SH2D4A: variants seen among roughly 807,000 people sequenced by gnomAD.
SH2D4A encodes SH2 domain containing 4A, also known as SH2 domain-containing protein 4A.
In SH2D4A, 70 loss-of-function variants were observed where a neutral mutation model predicts 64.7. The observed-to-expected ratio is 1.08, with a 90% CI of 0.89 to 1.32. The LOEUF is 1.32. Ranked by LOEUF, SH2D4A falls within the 40% of genes most tolerant of loss-of-function variation. SH2D4A has a pLI of 0.00. For missense variants in SH2D4A, 706 were observed against 540.1 expected (o/e 1.31, Z -3.04); for synonymous variants, 268 against 200.7 (o/e 1.34, Z -2.83).
chr8:19,320,426 G>A (rs988647504), intron 2 of SH2D4A, among the ~76,000 whole-genome samples: 1 of 151,866 alleles, frequency 6.6e-6, no homozygotes, highest in African/African-American at 2.4e-5. Context: ...CAGGAGTTCT[G>A]ACCAGCCTGG....
At chr8:19,336,930 C>A (rs1296926196) in intron 4 of SH2D4A, among the ~76,000 whole-genome samples, 1 of 150,290 alleles carries the variant, frequency 6.7e-6, no homozygotes, top group Non-Finnish European at 1.5e-5. Flanking sequence ...TTTTTTAGAC[C>A]TTTTTTTTTC....
chr8:19,388,953 A>T (rs1054181732), intron 8 of SH2D4A, among the ~76,000 whole-genome samples: 1 of 152,128 alleles, frequency 6.6e-6, no homozygotes, highest in Non-Finnish European at 1.5e-5. Flanking sequence ...GGATTCTTGG[A>T]TGGAGGGGAA....
chr8:19,319,123 G>T (rs766424033), intron 1 of SH2D4A, among the ~76,000 whole-genome samples: 1 of 150,876 alleles, frequency 6.6e-6, no homozygotes, highest in South Asian at 2.1e-4. Context: ...ATAAAGTTAG[G>T]GTTTGTTTTC....
chr8:19,346,929 A>T, intron 4 of SH2D4A, among the ~76,000 whole-genome samples: 1 of 152,192 alleles, frequency 6.6e-6, no homozygotes, highest in Non-Finnish European at 1.5e-5. Flanking sequence ...CGCATTCTTC[A>T]TATGAAGAGT....
At chr8:19,341,720 G>A (rs959437979) in intron 4 of SH2D4A, among the ~76,000 whole-genome samples, 3 of 152,018 alleles carry the variant, frequency 2.0e-5, no homozygotes, top group African/African-American at 7.2e-5. Flanking sequence ...GCATGCACCT[G>A]TAGTCCCAGC....
intron 4 of SH2D4A, among the ~76,000 whole-genome samples, chr8:19,343,911 G>A (rs1240023863): frequency 2.6e-5 from 4 of 152,342 alleles, no homozygotes; most frequent in South Asian, 2.1e-4. Context: ...GTGGGTGACA[G>A]AGAAAGGCAG....
intron 1 of SH2D4A, chr8:19,314,039 TGTCCG>T: frequency 2.6e-6 from 3 of 1,135,478 alleles, no homozygotes; most frequent in Non-Finnish European, 2.2e-6. Context: ...GGGTGTCCGG[TGTCCG>T]GTGTCCGGTG....
chr8:19,395,879 A>G lies in SH2D4A; in HGVS notation c.*1237A>G, dbSNP rs940319997. On this transcript the variant is annotated 3_prime_UTR_variant, in exon 10 of 10. Coordinates refer to ENST00000265807, the MANE Select transcript of SH2D4A (RefSeq NM_022071.4). ...GAAAGCTAATACAGTCGTTTATGTA[A>G]TTACATAACCTGACACACAAGATCG... 6.6e-6 allele frequency: 1 copy of G among 152,174 alleles called. No homozygotes were observed. Among genetic ancestry groups the G allele is most frequent in the Non-Finnish European group, 1.5e-5 (1 of 68,042 alleles). The allele number at this position is 152,174 out of a possible 1,614,324, so 9.4% of individuals were successfully genotyped here.
At chr8:19,379,480 G>C (rs2053253750) in intron 8 of SH2D4A, among the ~76,000 whole-genome samples, 1 of 152,210 alleles carries the variant, frequency 6.6e-6, no homozygotes, top group South Asian at 2.1e-4. Flanking sequence ...TGAGAACACA[G>C]GTGTAGAAAT....
intron 2 of SH2D4A, among the ~76,000 whole-genome samples, chr8:19,325,888 G>A (rs1406827872): frequency 6.6e-6 from 1 of 152,224 alleles, no homozygotes; most frequent in African/African-American, 2.4e-5. Flanking sequence ...AATGGGCCTT[G>A]GCCTTCATTA....
At chr8:19,332,715 C>T (rs1473882275) in intron 2 of SH2D4A, among the ~76,000 whole-genome samples, 2 of 143,194 alleles carry the variant, frequency 1.4e-5, no homozygotes, top group Non-Finnish European at 1.5e-5. Context: ...AAAAAAAAAG[C>T]ACGGGCAAAA....
intron 8 of SH2D4A, among the ~76,000 whole-genome samples, chr8:19,383,821 GA>G (rs1258028522): frequency 2.0e-5 from 3 of 152,126 alleles, no homozygotes; most frequent in Non-Finnish European, 2.9e-5. Context: ...CCAAAAGGGG[GA>G]AAAAATTAAG....
chr8:19,391,280 G>A (rs1342124016), intron 8 of SH2D4A, among the ~76,000 whole-genome samples: 1 of 152,162 alleles, frequency 6.6e-6, no homozygotes, highest in African/African-American at 2.4e-5. Context: ...ACAAACAGAA[G>A]GAGCAGCCCG....
intron 6 of SH2D4A, among the ~76,000 whole-genome samples, chr8:19,363,634 G>A (rs1359633258): frequency 6.6e-6 from 1 of 152,082 alleles, no homozygotes; most frequent in Non-Finnish European, 1.5e-5. Flanking sequence ...ATGCCACTGA[G>A]TAGTCCTGAT....
chr8:19,338,195 T>C (rs2052473350), intron 4 of SH2D4A, among the ~76,000 whole-genome samples: 1 of 152,190 alleles, frequency 6.6e-6, no homozygotes, highest in South Asian at 2.1e-4. Context: ...GTTATTAAAA[T>C]GGAGAAGCAA....
intron 1 of SH2D4A, 200 bp downstream of exon 1, chr8:19,314,023 C>T (rs1360620124): frequency 1.0e-5 from 11 of 1,050,166 alleles, no homozygotes; most frequent in Non-Finnish European, 1.2e-5. Flanking sequence ...CGAGAGCGGC[C>T]GCGGCGGGTG....
intron 6 of SH2D4A, among the ~76,000 whole-genome samples, chr8:19,362,755 CA>C (rs2052912954): frequency 6.6e-6 from 1 of 151,440 alleles, no homozygotes; most frequent in Non-Finnish European, 1.5e-5. Flanking sequence ...CAAAACAAAA[CA>C]AAACAAAAAA....
rs1305962318 is a variant in SH2D4A at position 19,364,578 on chromosome 8, C to T, written c.917+296C>T. Among the ~76,000 whole-genome samples the T allele has an allele frequency of 2.6e-5, 4 of 151,956 alleles. 1 individual carries two copies. The highest frequency in any genetic ancestry group is 4.8e-5 in the African/African-American group (2 of 41,380). ...GTCCCTACCCCACTCTCCCCTTTCCCTCCCCCGCCCCCCTCCCCCCCAGAG... is the reference window on the plus strand; with the variant it reads ...GTCCCTACCCCACTCTCCCCTTTCCTTCCCCCGCCCCCCTCCCCCCCAGAG... On this transcript the variant is annotated intron_variant, in intron 7 of 9. Coordinates refer to ENST00000265807, the MANE Select transcript of SH2D4A (RefSeq NM_022071.4).
chr8:19,391,861 G>C (rs1390910400), intron 8 of SH2D4A, among the ~76,000 whole-genome samples: 1 of 152,176 alleles, frequency 6.6e-6, no homozygotes, highest in Non-Finnish European at 1.5e-5. Context: ...TCCTGAGGTG[G>C]TTCTGTTATT....
Sources: gnomAD v4.1 joint callset for allele counts (sites outside exome capture counted in the v4.1 genomes callset) on GRCh38, gnomAD v4.1.1 for gene constraint, MANE v1.5 for transcripts, NCBI Gene and HGNC (gene_info 2026-07-23, HGNC 2026-07-21) for gene names.